The following PEBP4 variants were observed in gnomAD, a reference collection of about 807,000 sequenced individuals.
PEBP4 encodes the protein phosphatidylethanolamine binding protein 4, also known as phosphatidylethanolamine-binding protein 4.
A neutral mutation model predicts 23.9 loss-of-function variants in PEBP4; 22 were observed. The observed-to-expected ratio is 0.92, with a 90% CI of 0.66 to 1.31. PEBP4 has a LOEUF of 1.31. Ranked by LOEUF, PEBP4 falls within the 40% of genes most tolerant of loss-of-function variation. The pLI is 0.00. For missense variants in PEBP4, 324 were observed against 281.7 expected (o/e 1.15, Z -1.07); for synonymous variants, 112 against 99.3 (o/e 1.13, Z -0.76).
chr8:22,817,738 G>A lies in PEBP4; in HGVS notation c.259-3C>T, dbSNP rs751305165. 10 of 1,613,316 alleles carry A rather than the reference G, an allele frequency of 6.2e-6. No homozygotes were observed. Among genetic ancestry groups the A allele is most frequent in the African/African-American group, 2.7e-5 (2 of 75,058 alleles). ...ATCACCAGGATATAGGTTGCGCCCT[G>A]TAACACATGTACCGAAAAGTAATGT... On this transcript the variant is annotated splice_region_variant and splice_polypyrimidine_tract_variant and intron_variant, in intron 3 of 6. Transcript: ENST00000256404.
In PEBP4 at chr8:22,733,175, A is replaced by G. The variant is rs577535408; in HGVS notation, c.358-5955T>C. 8.5e-5 allele frequency among the ~76,000 whole-genome samples: 13 copies of G among 152,312 alleles called. 3 individuals carry two copies. The highest frequency in any genetic ancestry group is 2.9e-4 in the African/African-American group (12 of 41,568). On this transcript the variant is annotated intron_variant, in intron 4 of 6. Coordinates refer to ENST00000256404, the MANE Select transcript of PEBP4 (RefSeq NM_144962.3). ...CTTTAGCCCCATTGGACAGGAGAGA[A>G]ACCACAGAAGCTTCAGCTCCTCGAG...
intron 3 of PEBP4, among the ~76,000 whole-genome samples, chr8:22,880,285 T>C (rs1029733894): frequency 1.3e-5 from 2 of 152,220 alleles, no homozygotes; most frequent in African/African-American, 2.4e-5. Context: ...CCTCAACTAC[T>C]GTCCCTGCCA....
At chr8:22,800,209 G>A (rs895915952) in intron 4 of PEBP4, among the ~76,000 whole-genome samples, 16 of 151,974 alleles carry the variant, frequency 1.1e-4, no homozygotes, top group Admixed American at 9.8e-4. Flanking sequence ...GCTGTGTCTC[G>A]GTATACCTGG....
chr8:22,731,825 ATT>A (rs572580381), intron 4 of PEBP4, among the ~76,000 whole-genome samples: 27 of 141,426 alleles, frequency 1.9e-4, no homozygotes, highest in Middle Eastern at 3.5e-3. Flanking sequence ...CGCCCGGCTA[ATT>A]TTTTTTTTTT....
chr8:22,824,740 T>C lies in PEBP4; in HGVS notation c.259-7005A>G, dbSNP rs188523526. ...AGCGTTGCAACCTAGATTCCTTGCA[T>C]GTACAGTTCGCAATAGGGTTTGTGC... On this transcript the variant is annotated intron_variant, in intron 3 of 6. Coordinates refer to ENST00000256404, the MANE Select transcript of PEBP4 (RefSeq NM_144962.3). Among the ~76,000 whole-genome samples the C allele has an allele frequency of 4.6e-5, 7 of 152,270 alleles. No homozygotes were observed. In the East Asian group the frequency reaches 5.8e-4, roughly 13 times the overall value.
At chr8:22,798,381 C>T (rs1806308604) in intron 4 of PEBP4, among the ~76,000 whole-genome samples, 1 of 152,186 alleles carries the variant, frequency 6.6e-6, no homozygotes. Flanking sequence ...CTCTCACACA[C>T]CAAACCAATA....
intron 4 of PEBP4, among the ~76,000 whole-genome samples, chr8:22,810,047 G>T (rs1304278655): frequency 1.3e-5 from 2 of 152,218 alleles, no homozygotes; most frequent in African/African-American, 4.8e-5. Context: ...CCTCATAAGG[G>T]ACCAAAATGT....
At chr8:22,748,601 T>C (rs1585251582) in intron 4 of PEBP4, among the ~76,000 whole-genome samples, 1 of 150,642 alleles carries the variant, frequency 6.6e-6, no homozygotes, top group East Asian at 2.0e-4. Context: ...ATGAGGGTGG[T>C]CTGAGGGGAG....
intron 4 of PEBP4, among the ~76,000 whole-genome samples, chr8:22,759,965 A>G (rs777946673): frequency 2.2e-4 from 34 of 152,194 alleles, no homozygotes; most frequent in African/African-American, 8.0e-4. Flanking sequence ...GTAAACTTCT[A>G]TTTGGTCCTT....
upstream of PEBP4, among the ~76,000 whole-genome samples, chr8:22,931,580 TTTG>T (rs982238094): frequency 2.0e-4 from 28 of 139,372 alleles, no homozygotes; most frequent in Non-Finnish European, 2.9e-4. Flanking sequence ...AGCAGTTTTT[TTTG>T]TTTGTTTTTG....
chr8:22,762,038 A>C (rs11998649), intron 4 of PEBP4, among the ~76,000 whole-genome samples: 107,206 of 149,666 alleles, frequency 0.72, 39,524 homozygotes, highest in Non-Finnish European at 0.8. Context: ...CTACTTTCTA[A>C]CCCCCACCTT....
Position 22,865,568 on chromosome 8 carries a change from C to T in PEBP4, c.259-47833G>A, listed in dbSNP as rs911764120. Among the ~76,000 whole-genome samples the T allele has an allele frequency of 5.9e-5, 9 of 152,116 alleles. No individual in the cohort carries two copies. Among genetic ancestry groups the T allele is most frequent in the Admixed American group, 2.0e-4 (3 of 15,284 alleles). The stretch of plus-strand genomic sequence containing the variant: ...CTGCCGGTGCCGGTGCCGCAGCCGC[C>T]GGGGAAGGAATTCCCTCCGCCCGGG... On this transcript the variant is annotated intron_variant, in intron 3 of 6. Coordinates refer to ENST00000256404, the MANE Select transcript of PEBP4 (RefSeq NM_144962.3). The surrounding 1 kb of genome is among the most constrained non-coding windows in gnomAD (Gnocchi z 6.9).
At chr8:22,771,518 G>T (rs117546075) in intron 4 of PEBP4, among the ~76,000 whole-genome samples, 2,519 of 152,184 alleles carry the variant, frequency 0.017, 31 homozygotes, top group South Asian at 0.086. Flanking sequence ...AATTTGTATA[G>T]ATTATAACAA....
chr8:22,926,097 T>C (rs2128781842), intron 2 of PEBP4, among the ~76,000 whole-genome samples: 1 of 152,152 alleles, frequency 6.6e-6, no homozygotes, highest in Admixed American at 6.5e-5. Flanking sequence ...TGCCTCAGCC[T>C]CCTGAGTAGC....
chr8:22,726,115 T>A (rs909854256), intron 5 of PEBP4, among the ~76,000 whole-genome samples: 1 of 151,764 alleles, frequency 6.6e-6, no homozygotes, highest in African/African-American at 2.4e-5. Flanking sequence ...TCGGGGTGGG[T>A]GTGTGTACAT....
intron 4 of PEBP4, among the ~76,000 whole-genome samples, chr8:22,811,870 CT>C (rs574935919): frequency 3.5e-4 from 53 of 152,350 alleles, no homozygotes; most frequent in African/African-American, 1.2e-3. Context: ...CTTTGCAAGA[CT>C]TGAGTCCAAT....
At chr8:22,901,622 ACCT>A (rs1411441196) in intron 3 of PEBP4, among the ~76,000 whole-genome samples, 3 of 152,064 alleles carry the variant, frequency 2.0e-5, no homozygotes, top group Non-Finnish European at 2.9e-5. Context: ...AACTAGGAAA[ACCT>A]CCTCTCCAGG....
At chr8:22,715,784 G>C (rs927059835) in intron 6 of PEBP4, among the ~76,000 whole-genome samples, 1 of 152,184 alleles carries the variant, frequency 6.6e-6, no homozygotes, top group Non-Finnish European at 1.5e-5. Context: ...TGGCTTGGCC[G>C]CAACTCCTTA....
chr8:22,909,882 T>C (rs1808900060), intron 3 of PEBP4, among the ~76,000 whole-genome samples: 1 of 152,150 alleles, frequency 6.6e-6, no homozygotes, highest in Non-Finnish European at 1.5e-5. Flanking sequence ...ACGTGGAGAA[T>C]GGCCAGCAAA....
Sources: allele counts gnomAD v4.1 joint callset (sites outside exome capture counted in the v4.1 genomes callset), GRCh38; gene constraint gnomAD v4.1.1; non-coding constraint Gnocchi (gnomAD v3.1); transcripts MANE v1.5; gene names NCBI Gene and HGNC (gene_info 2026-07-23, HGNC 2026-07-21).